The following LRP1B variants were observed in gnomAD, a reference collection of about 807,000 sequenced individuals.
The protein encoded by LRP1B is low-density lipoprotein receptor-related protein 1B.
In LRP1B, 217 loss-of-function variants were observed where a neutral mutation model predicts 556.6. The observed-to-expected ratio is 0.39, with a 90% CI of 0.35 to 0.44. The LOEUF (loss-of-function observed/expected upper bound fraction) is 0.44, where lower values mean the gene tolerates loss of function less well. Among genes scored for constraint, LRP1B ranks in the 20% least tolerant of loss-of-function variants. The pLI is 1.00. For synonymous variants in LRP1B, 2,047 were observed against 1,865.8 expected, an observed-to-expected ratio of 1.10 and a Z score of -2.50; for missense variants, 5,053 against 5,620.8, an observed-to-expected ratio of 0.90 and a Z score of 3.23.
Position 140,352,998 on chromosome 2 carries a change from A to C in LRP1B, c.11605T>G (p.Cys3869Gly), listed in dbSNP as rs1682043195. 6.2e-7 allele frequency: 1 copy of C among 1,612,816 alleles called. No homozygotes were observed. Among genetic ancestry groups the C allele is most frequent in the Non-Finnish European group, 8.5e-7 (1 of 1,179,360 alleles). ...TTTCTTTCTTGAAAATTCTGGTCAC[A>C]CACACATTTATATGATCCTTCCACA... Reference protein sequence around the residue: ...INVEGSYKCVCDQNFQERNNT... With the variant: ...INVEGSYKCVGDQNFQERNNT... The change falls in exon 76 of 91, where the codon TGT becomes GGT. Residue 3869 changes from cysteine to glycine, a missense_variant. Physicochemically the swap from Cys to Gly is radical, Grantham distance 159 (BLOSUM62 -3). Around this residue, in one of 5 missense-constraint regions of LRP1B, gnomAD observed 599 missense variants for 648.4 expected, o/e 0.92. Coordinates refer to ENST00000389484, the MANE Select transcript of LRP1B (RefSeq NM_018557.3).
At chr2:141,551,478 T>C (rs1372821790) in intron 2 of LRP1B, among the ~76,000 whole-genome samples, 2 of 152,084 alleles carry the variant, frequency 1.3e-5, no homozygotes, top group South Asian at 2.1e-4. Context: ...TTCAGTTAAA[T>C]GAATTTTTTT....
chr2:141,367,026 T>C (rs1237295164), intron 3 of LRP1B, among the ~76,000 whole-genome samples: 1 of 152,226 alleles, frequency 6.6e-6, no homozygotes, highest in African/African-American at 2.4e-5. Context: ...TATGTGATTA[T>C]GGACTTGCCT....
intron 66 of LRP1B, among the ~76,000 whole-genome samples, chr2:140,388,018 C>A (rs1683839001): frequency 6.6e-6 from 1 of 151,200 alleles, no homozygotes; most frequent in Non-Finnish European, 1.5e-5. Flanking sequence ...CTCACTGCAA[C>A]CTCTGCTTCC....
At chr2:141,809,175 G>A (rs112709384) in intron 2 of LRP1B, among the ~76,000 whole-genome samples, 26 of 152,120 alleles carry the variant, frequency 1.7e-4, no homozygotes, top group East Asian at 9.7e-4. Flanking sequence ...AAAATAAAGC[G>A]AAGCAATTCC....
At chr2:141,893,529 G>A (rs1378995315) in intron 1 of LRP1B, among the ~76,000 whole-genome samples, 3 of 151,994 alleles carry the variant, frequency 2.0e-5, no homozygotes, top group Non-Finnish European at 4.4e-5. Context: ...TTTATAATTT[G>A]TAGACCAAAT....
intron 11 of LRP1B, among the ~76,000 whole-genome samples, chr2:141,037,312 A>G (rs1192663995): frequency 6.6e-6 from 1 of 152,012 alleles, no homozygotes; most frequent in East Asian, 1.9e-4. Context: ...ACACTAATAA[A>G]CTGACAATAA....
At chr2:140,646,937 CAT>C (rs1684506512) in intron 41 of LRP1B, among the ~76,000 whole-genome samples, 1 of 151,672 alleles carries the variant, frequency 6.6e-6, no homozygotes, top group Admixed American at 6.6e-5. Context: ...TATATATAAA[CAT>C]ATAGATTGAA....
intron 1 of LRP1B, among the ~76,000 whole-genome samples, chr2:141,831,642 G>A (rs980536652): frequency 3.3e-5 from 5 of 151,408 alleles, no homozygotes; most frequent in African/African-American, 1.2e-4. Flanking sequence ...CAGACATTTG[G>A]GGCATTTTTA....
chr2:141,518,889 G>T (rs1684424772), intron 2 of LRP1B, among the ~76,000 whole-genome samples: 2 of 152,144 alleles, frequency 1.3e-5, no homozygotes, highest in South Asian at 4.1e-4. Flanking sequence ...GGCGGAGGCT[G>T]CAGTGAGCTG....
At chr2:140,899,400 AC>A (rs1196904911) in intron 23 of LRP1B, among the ~76,000 whole-genome samples, 1 of 152,100 alleles carries the variant, frequency 6.6e-6, no homozygotes, top group Non-Finnish European at 1.5e-5. Flanking sequence ...GCATTAAGAA[AC>A]CAGTAGCTAG....
intron 1 of LRP1B, among the ~76,000 whole-genome samples, chr2:141,926,837 T>A (rs1163839555): frequency 6.6e-6 from 1 of 152,164 alleles, no homozygotes; most frequent in Non-Finnish European, 1.5e-5. Context: ...AAGAGTGTCC[T>A]AAGATCACTT....
intron 77 of LRP1B, among the ~76,000 whole-genome samples, chr2:140,342,258 A>T (rs1681434137): frequency 6.6e-6 from 1 of 151,462 alleles, no homozygotes; most frequent in South Asian, 2.1e-4. Context: ...AAAAAAAAAA[A>T]ACTTTGAAAT....
intron 1 of LRP1B, among the ~76,000 whole-genome samples, chr2:141,968,805 CTA>C (rs2105070402): frequency 6.6e-6 from 1 of 151,776 alleles, no homozygotes; most frequent in South Asian, 2.1e-4. Context: ...TAATTGTTTG[CTA>C]TGTCATTTTC....
chr2:141,324,453 C>T (rs1687364710), intron 3 of LRP1B, among the ~76,000 whole-genome samples: 2 of 152,110 alleles, frequency 1.3e-5, no homozygotes, highest in South Asian at 2.1e-4. Context: ...GATAATTAAC[C>T]GTTTGTCTCC....
At chr2:140,629,810 G>T (rs1054911976) in intron 41 of LRP1B, among the ~76,000 whole-genome samples, 1 of 152,112 alleles carries the variant, frequency 6.6e-6, no homozygotes, top group Non-Finnish European at 1.5e-5. Context: ...TTTTCCTAGA[G>T]ATCTGGATTT....
chr2:142,017,863 A>T (rs1703200105), intron 1 of LRP1B, among the ~76,000 whole-genome samples: 1 of 152,180 alleles, frequency 6.6e-6, no homozygotes, highest in African/African-American at 2.4e-5. Flanking sequence ...CCTGGGCAAC[A>T]GAGCGAGACC....
At chr2:140,801,147 A>G (rs987248818) in intron 32 of LRP1B, among the ~76,000 whole-genome samples, 2 of 152,188 alleles carry the variant, frequency 1.3e-5, no homozygotes, top group Admixed American at 6.5e-5. Flanking sequence ...TGAGTGAAAC[A>G]TATATGAATA....
rs1347228169 is a variant in LRP1B at position 141,751,318 on chromosome 2, T to A, written c.205+58961A>T. ...GCCAATTCTGGAAAATACAACTGAA[T>A]AACTATGTTTAAAATATTAAAAATG... On this transcript the variant is annotated intron_variant, in intron 2 of 90. Transcript: ENST00000389484. Among the ~76,000 whole-genome samples the A allele has an allele frequency of 2.6e-5, 4 of 152,250 alleles. No homozygotes were observed. The East Asian group carries it at 7.7e-4, about 29-fold the overall frequency.
In LRP1B at chr2:140,231,888, T is replaced by C. The variant is rs771226199; in HGVS notation, c.*1298A>G. Reference sequence around the variant, plus strand: ...TAAATCTTTTGTGCCTTTAAAGATATTTGTATAAAAATGCTATCCTTTTAT... The same window carrying C: ...TAAATCTTTTGTGCCTTTAAAGATACTTGTATAAAAATGCTATCCTTTTAT... On this transcript the variant is annotated 3_prime_UTR_variant, in exon 91 of 91. Transcript: ENST00000389484. 1.4e-4 allele frequency: 21 copies of C among 151,806 alleles called. No homozygotes were observed. Among genetic ancestry groups the C allele is most frequent in the Non-Finnish European group, 4.4e-5 (3 of 67,582 alleles). 9.4% of individuals were successfully genotyped at this position (151,806 alleles called of 1,614,324 possible). A position where few individuals can be genotyped will look rare whatever the true frequency, so the allele number is the denominator to read the frequency against.
Sources: gnomAD v4.1 joint callset for allele counts (sites outside exome capture counted in the v4.1 genomes callset) on GRCh38, gnomAD v4.1.1 for gene constraint, gnomAD v4.1.1 regional missense constraint, MANE v1.5 for transcripts, NCBI Gene and HGNC (gene_info 2026-07-23, HGNC 2026-07-21) for gene names.